Variants in ARL1 observed in about 807,000 individuals in gnomAD.
The protein encoded by ARL1 is ADP-ribosylation factor-like protein 1.
In ARL1, 17 loss-of-function variants were observed where a neutral mutation model predicts 30.1. That is an observed-to-expected ratio of 0.56 (90% CI 0.39 to 0.85). The LOEUF is 0.85. ARL1 is among the 40% of genes least tolerant of loss of function. The probability of loss-of-function intolerance (pLI) is 0.00; values close to 1 mark genes in which losing one functional copy is unlikely to be tolerated. For synonymous variants in ARL1, 58 were observed against 71.7 expected, an observed-to-expected ratio of 0.81 and a Z score of 0.97; for missense variants, 102 against 212.6, an observed-to-expected ratio of 0.48 and a Z score of 3.24.
At chr12:101,406,921 G>C (rs1046801376) in intron 1 of ARL1, 3 of 152,220 alleles carry the variant, frequency 2.0e-5, no homozygotes, top group Non-Finnish European at 4.4e-5. Flanking sequence ...ATTTAACCAA[G>C]CCAAAGAATC....
intron 2 of ARL1, among the ~76,000 whole-genome samples, chr12:101,404,588 G>A (rs978533719): frequency 1.2e-4 from 18 of 152,306 alleles, no homozygotes; most frequent in Middle Eastern, 3.4e-3. Context: ...TTAGAGGCTA[G>A]CCTCTTTCGT....
intron 2 of ARL1, among the ~76,000 whole-genome samples, chr12:101,405,246 T>A (rs1174848874): frequency 6.6e-6 from 1 of 152,146 alleles, no homozygotes; most frequent in Non-Finnish European, 1.5e-5. Context: ...AAGTAATCAA[T>A]ATAATTACCT....
chr12:101,397,923 G>A (rs1201007646), intron 4 of ARL1, among the ~76,000 whole-genome samples: 1 of 152,030 alleles, frequency 6.6e-6, no homozygotes, highest in Non-Finnish European at 1.5e-5. Context: ...TTAGTCATTG[G>A]CTTCTGGTTA....
chr12:101,407,449 G>A, intron 1 of ARL1, 193 bp downstream of exon 1: 3 of 682,446 alleles, frequency 4.4e-6, no homozygotes, highest in Non-Finnish European at 7.2e-6. Flanking sequence ...ACCGAGAGAG[G>A]ACGGAGGAGA....
intron 3 of ARL1, chr12:101,401,592 T>G: frequency 7.9e-6 from 1 of 126,072 alleles, no homozygotes; most frequent in East Asian, 2.7e-4. Flanking sequence ...GCTGAGATGG[T>G]GCCATTGCAC....
At chr12:101,403,328 CAT>C (rs1871354277) in intron 2 of ARL1, 5 of 380,148 alleles carry the variant, frequency 1.3e-5, no homozygotes, top group South Asian at 6.1e-5. Flanking sequence ...AAAAGGAAAA[CAT>C]AATTTTTAGC....
intron 2 of ARL1, 31 bp from the exon 3 acceptor site, chr12:101,402,977 T>C (rs775723186): frequency 4.0e-6 from 6 of 1,492,378 alleles, no homozygotes; most frequent in East Asian, 4.5e-5. Flanking sequence ...GTGGTATGTG[T>C]AGACTAATAC....
At chr12:101,407,344 G>A (rs1464451217) in intron 1 of ARL1, 2 of 379,020 alleles carry the variant, frequency 5.3e-6, no homozygotes, top group African/African-American at 2.1e-5. Flanking sequence ...TGGGGATGAG[G>A]GAAAACTTCA....
intron 3 of ARL1, among the ~76,000 whole-genome samples, chr12:101,402,329 T>C (rs971698451): frequency 6.6e-6 from 1 of 152,106 alleles, no homozygotes; most frequent in African/African-American, 2.4e-5. Context: ...GCTGGAATTA[T>C]AGGCACGCAC....
intron 4 of ARL1, 111 bp downstream of exon 4, chr12:101,400,951 A>G: frequency 1.4e-6 from 1 of 721,776 alleles, no homozygotes; most frequent in Non-Finnish European, 2.3e-6. Context: ...CATAAAAGAA[A>G]ATAATTTTAA....
chr12:101,396,200 T>C, intron 5 of ARL1, 199 bp downstream of exon 5: 2 of 673,650 alleles, frequency 3.0e-6, no homozygotes, highest in Non-Finnish European at 5.1e-6. Context: ...CTTATCTAAG[T>C]AACTGTAATC....
chr12:101,395,640 T>C lies in ARL1; in HGVS notation c.546A>G (p.Ter182=), dbSNP rs1686495757. 1.5e-5 allele frequency: 23 copies of C among 1,579,854 alleles called. No homozygotes were observed. The highest frequency in any genetic ancestry group is 1.9e-5 in the Non-Finnish European group (22 of 1,159,778). Residue 182 remains the stop codon, a stop_retained_variant, in exon 6 of 6, where the codon TAA becomes TAG. Coordinates refer to ENST00000261636, the MANE Select transcript of ARL1 (RefSeq NM_001177.6). ...WLVETLKSRQ[*] ...TTTCAGGGGAGAAGAATGGACTGAA[T>C]TACTGTCTGCTTTTTAATGTTTCAA...
intron 2 of ARL1, chr12:101,403,312 G>T (rs1388902096): frequency 5.0e-6 from 2 of 400,704 alleles, no homozygotes; most frequent in Non-Finnish European, 9.6e-6. Context: ...ATTTAAAAAA[G>T]AAATAAAAAG....
intron 4 of ARL1, among the ~76,000 whole-genome samples, chr12:101,398,964 A>T (rs1482222002): frequency 6.6e-6 from 1 of 152,200 alleles, no homozygotes; most frequent in African/African-American, 2.4e-5. Flanking sequence ...CTTTTAAGCA[A>T]TACTTTATAT....
chr12:101,396,282 T>G (rs1453166030), intron 5 of ARL1, 117 bp downstream of exon 5: 2 of 1,332,760 alleles, frequency 1.5e-6, no homozygotes. Flanking sequence ...ACTTATGAAA[T>G]AAGCTGCTAA....
intron 3 of ARL1, among the ~76,000 whole-genome samples, chr12:101,402,275 C>CA (rs1412639696): frequency 2.6e-5 from 4 of 152,152 alleles, no homozygotes; most frequent in Non-Finnish European, 5.9e-5. Flanking sequence ...CTCCAGCTCC[C>CA]AAGTCCTGGT....
At chr12:101,406,197 T>A (rs1358314539) in intron 1 of ARL1, among the ~76,000 whole-genome samples, 2 of 152,194 alleles carry the variant, frequency 1.3e-5, no homozygotes, top group African/African-American at 2.4e-5. Context: ...TACTATTGTG[T>A]CATGCAGGCA....
rs150155379 is a variant in ARL1, at chr12:101,401,394, T to C, written c.225-221A>G. 1.9e-3 allele frequency: 679 copies of C among 351,054 alleles called. 20 individuals are homozygous for C. The East Asian group carries it at 0.036, about 19-fold the overall frequency. The allele number at this position is 351,054 out of a possible 1,614,324, so 21.7% of individuals were successfully genotyped here. ...GCTCACATCTGTAATCCCAGCATTT[T>C]AGGAGGCTGAGGAGGGCAGATCAAC... On this transcript the variant is annotated intron_variant, in intron 3 of 5. Transcript: ENST00000261636.
At chr12:101,407,814 G>T, upstream of ARL1, 1 of 896,684 alleles carries the variant, frequency 1.1e-6, no homozygotes, top group Non-Finnish European at 1.8e-6. Flanking sequence ...ACGGTGGCCT[G>T]AGCATCCGCG....
Sources: gnomAD v4.1 joint callset for allele counts (sites outside exome capture counted in the v4.1 genomes callset) on GRCh38, gnomAD v4.1.1 for gene constraint, MANE v1.5 for transcripts, NCBI Gene and HGNC (gene_info 2026-07-23, HGNC 2026-07-21) for gene names.